Variants in ACOXL observed in about 807,000 individuals in gnomAD.
ACOXL encodes the protein acyl-CoA oxidase like, also known as acyl-coenzyme A oxidase-like protein.
In ACOXL, 70 loss-of-function variants were observed where a neutral mutation model predicts 71.9. The observed-to-expected ratio is 0.97, with a 90% CI of 0.80 to 1.19. The LOEUF is 1.19. ACOXL is among the 50% of genes most tolerant of loss of function. The pLI is 0.00. For missense variants in ACOXL, 703 were observed against 736.3 expected, an observed-to-expected ratio of 0.95 and a Z score of 0.52; for synonymous variants, 253 against 281.6, an observed-to-expected ratio of 0.90 and a Z score of 1.02.
At chr2:110,911,666 T>C (rs1220419800) in intron 11 of ACOXL, among the ~76,000 whole-genome samples, 1 of 152,068 alleles carries the variant, frequency 6.6e-6, no homozygotes, top group African/African-American at 2.4e-5. Context: ...CAAGTACCTT[T>C]TCATGATAAA....
intron 9 of ACOXL, among the ~76,000 whole-genome samples, chr2:110,818,501 GTA>G (rs1234651181): frequency 6.0e-4 from 42 of 70,364 alleles, no homozygotes; most frequent in Admixed American, 1.0e-3. Context: ...ATGTGTATGT[GTA>G]TATATATATG....
chr2:110,899,399 A>C (rs561508619), intron 10 of ACOXL, among the ~76,000 whole-genome samples: 2 of 152,094 alleles, frequency 1.3e-5, no homozygotes, highest in African/African-American at 4.8e-5. Flanking sequence ...CAGACTTGCT[A>C]CCTCCAAGAT....
At chr2:110,829,431 T>C (rs979596151) in intron 9 of ACOXL, among the ~76,000 whole-genome samples, 1 of 152,190 alleles carries the variant, frequency 6.6e-6, no homozygotes, top group Admixed American at 6.5e-5. Flanking sequence ...AGTTGGTTCT[T>C]TCTCTTCTGA....
chr2:111,028,711 G>A (rs185807701), intron 14 of ACOXL, among the ~76,000 whole-genome samples: 2 of 152,288 alleles, frequency 1.3e-5, no homozygotes, highest in East Asian at 3.9e-4. Flanking sequence ...AGAAAAGAAA[G>A]GCGAATGGAT....
At chr2:110,868,579 G>GAGAAAA (rs1694894804) in intron 10 of ACOXL, among the ~76,000 whole-genome samples, 1 of 152,072 alleles carries the variant, frequency 6.6e-6, no homozygotes, top group African/African-American at 2.4e-5. Flanking sequence ...TCTCAGCATT[G>GAGAAAA]CTCCACTAGA....
chr2:110,826,597 C>T (rs928891798), intron 9 of ACOXL, among the ~76,000 whole-genome samples: 1 of 152,164 alleles, frequency 6.6e-6, no homozygotes, highest in African/African-American at 2.4e-5. Flanking sequence ...TGGCCTGTTT[C>T]CACATACAGA....
chr2:110,885,472 CATT>C (rs577357525), intron 10 of ACOXL, among the ~76,000 whole-genome samples: 6 of 151,852 alleles, frequency 4.0e-5, no homozygotes, highest in African/African-American at 9.7e-5. Flanking sequence ...AAATTGTCAG[CATT>C]ATTATTATTA....
intron 9 of ACOXL, among the ~76,000 whole-genome samples, chr2:110,810,862 G>C (rs796992214): frequency 4.3e-4 from 65 of 152,300 alleles, no homozygotes; most frequent in African/African-American, 1.5e-3. Flanking sequence ...GCATGGCTGG[G>C]GAGGCCTTAG....
At chr2:110,857,871 G>A (rs1174227064) in intron 10 of ACOXL, among the ~76,000 whole-genome samples, 3 of 151,992 alleles carry the variant, frequency 2.0e-5, no homozygotes, top group Non-Finnish European at 4.4e-5. Context: ...AAGCATAGGC[G>A]TGTACCACCA....
chr2:110,813,687 C>G (rs1687605188), intron 9 of ACOXL, among the ~76,000 whole-genome samples: 1 of 152,164 alleles, frequency 6.6e-6, no homozygotes, highest in African/African-American at 2.4e-5. Flanking sequence ...TTCCCTCACT[C>G]CACAGCTCAT....
At chr2:110,902,771 G>GC (rs2059292081) in intron 10 of ACOXL, among the ~76,000 whole-genome samples, 1 of 152,196 alleles carries the variant, frequency 6.6e-6, no homozygotes, top group Non-Finnish European at 1.5e-5. Flanking sequence ...GTCTAGGAGT[G>GC]CCCCAGAGAA....
intron 10 of ACOXL, among the ~76,000 whole-genome samples, chr2:110,859,317 C>T (rs1693658024): frequency 6.6e-6 from 1 of 152,098 alleles, no homozygotes; most frequent in South Asian, 2.1e-4. Flanking sequence ...CGAGTGGTGG[C>T]TAGATGTGCT....
intron 12 of ACOXL, among the ~76,000 whole-genome samples, chr2:110,976,072 T>C (rs2062430318): frequency 6.6e-6 from 1 of 152,024 alleles, no homozygotes; most frequent in Admixed American, 6.5e-5. Flanking sequence ...GCGGGACCCA[T>C]TGGAAGAGAT....
rs1234410019 is a variant in ACOXL, at chr2:111,069,145, CT to C, written c.1440+19876del. 4.7e-3 allele frequency among the ~76,000 whole-genome samples: 638 copies of C among 135,282 alleles called. 1 individual carries two copies. The highest frequency in any genetic ancestry group is 0.012 in the African/African-American group (450 of 37,016). 88.8% of individuals were successfully genotyped at this position (135,282 alleles called of 152,430 possible). On this transcript the variant is annotated intron_variant, in intron 16 of 17. Coordinates refer to ENST00000439055, the MANE Select transcript of ACOXL (RefSeq NM_001142807.4). ...CTTGATGTGTCTCCCTCTTCTTTTT[CT>C]TTTTTTTTTTTTTTTTTTAATTTGA...
At chr2:110,808,479 G>C (rs1316599634) in intron 9 of ACOXL, among the ~76,000 whole-genome samples, 2 of 152,140 alleles carry the variant, frequency 1.3e-5, no homozygotes, top group Non-Finnish European at 2.9e-5. Context: ...TATCAGCACT[G>C]TCTCAGCCCC....
intron 11 of ACOXL, among the ~76,000 whole-genome samples, chr2:110,913,891 C>G (rs904426701): frequency 6.6e-6 from 1 of 152,086 alleles, no homozygotes; most frequent in South Asian, 2.1e-4. Flanking sequence ...GAGGACACCA[C>G]CAAGCCTGGA....
intron 14 of ACOXL, among the ~76,000 whole-genome samples, chr2:111,013,858 C>T (rs1046771035): frequency 4.8e-5 from 3 of 63,126 alleles, no homozygotes; most frequent in African/African-American, 2.9e-4. Flanking sequence ...ATATTCTCCA[C>T]GAATATAGGT....
intron 1 of ACOXL, among the ~76,000 whole-genome samples, chr2:110,740,652 T>G (rs1677411681): frequency 6.6e-6 from 1 of 152,214 alleles, no homozygotes; most frequent in African/African-American, 2.4e-5. Context: ...GAATGTTAAG[T>G]TTTATGAGCA....
intron 12 of ACOXL, among the ~76,000 whole-genome samples, chr2:110,965,400 G>A (rs995340652): frequency 1.3e-5 from 2 of 152,030 alleles, no homozygotes; most frequent in Admixed American, 6.6e-5. Flanking sequence ...TTGTTTGTTT[G>A]TTTTTGTTTT....
Sources: allele counts gnomAD v4.1 joint callset (sites outside exome capture counted in the v4.1 genomes callset), GRCh38; gene constraint gnomAD v4.1.1; transcripts MANE v1.5; gene names NCBI Gene and HGNC (gene_info 2026-07-23, HGNC 2026-07-21).